RGS14: variants seen among roughly 807,000 people sequenced by gnomAD.
RGS14 encodes regulator of G protein signaling 14, also known as regulator of G-protein signaling 14.
Under a neutral mutation model 63.8 loss-of-function variants are expected in RGS14, and 33 were observed. The ratio of observed to expected loss-of-function variants is 0.52; its 90% confidence interval spans 0.39 to 0.69. RGS14 has a LOEUF of 0.69. Among genes scored for constraint, RGS14 ranks in the 30% least tolerant of loss-of-function variants. The pLI is 0.00. For missense variants in RGS14, 739 were observed against 742.9 expected (o/e 0.99, Z 0.06); for synonymous variants, 296 against 320.9 (o/e 0.92, Z 0.83).
Position 177,372,015 on chromosome 5 carries a change from C to A in RGS14, c.1641C>A (p.Thr547=), listed in dbSNP as rs373638216. 63 of 1,614,028 alleles carry A rather than the reference C, an allele frequency of 3.9e-5. No individual in the cohort carries two copies. In the African/African-American group the frequency reaches 8.3e-4, roughly 21 times the overall value. ...GCTCCGAGGAGACCCCACCACAGAC[C>A]AAATCAGCAGCCCAGCCCATCGGGG... is the stretch of plus-strand genomic sequence containing the variant. ...GPSSEETPPQ[T]KSAAQPIGGS... is the part of the protein sequence containing the mutation. Residue 547 remains threonine, a synonymous_variant, in exon 15 of 15, where the codon ACC becomes ACA. Transcript: ENST00000408923.
chr5:177,360,506 G>A (rs1238507324), intron 1 of RGS14, among the ~76,000 whole-genome samples: 5 of 145,896 alleles, frequency 3.4e-5, no homozygotes, highest in Admixed American at 1.4e-4. Context: ...AAAGGCTGCA[G>A]TGAGCTGTGA....
Position 177,371,157 on chromosome 5 carries a change from C to T in RGS14, c.1255-8C>T. 1 of 1,610,014 alleles carries T rather than the reference C, an allele frequency of 6.2e-7. No homozygotes were observed. Among genetic ancestry groups the T allele is most frequent in the Non-Finnish European group, 8.5e-7 (1 of 1,178,770 alleles). On this transcript the variant is annotated splice_region_variant and splice_polypyrimidine_tract_variant and intron_variant, in intron 11 of 14. Coordinates refer to ENST00000408923, the MANE Select transcript of RGS14 (RefSeq NM_006480.5). This position sits in a 1 kb window ranked among gnomAD's most constrained non-coding sequence, Gnocchi z 6.1. Reference sequence around the variant, plus strand: ...CCTGTACCGCGGGCTGCTGACCTCTCCCCACAGCCAGGCGAGAAACAGCCT... The same window carrying T: ...CCTGTACCGCGGGCTGCTGACCTCTTCCCACAGCCAGGCGAGAAACAGCCT...
In RGS14 at chr5:177,367,791, TG is replaced by T; in HGVS notation, c.710del (p.Gly237AlafsTer39). 6.2e-7 allele frequency: 1 copy of T among 1,609,748 alleles called. No homozygotes were observed. The highest frequency in any genetic ancestry group is 8.5e-7 in the Non-Finnish European group (1 of 1,178,244). On this transcript the variant is annotated frameshift_variant, in exon 7 of 15. Coordinates refer to ENST00000408923, the MANE Select transcript of RGS14 (RefSeq NM_006480.5). LOFTEE classifies it high-confidence loss of function. ...GGCAGCTGCCACCCGTTGAGGGTCC[TG>T]GGGGCCGCCCTCTCCGCAAGTCCTT... Reference protein sequence around the residue: ...LGQLPPVEGPGGRPLRKSFRR... With the variant: ...LGQLPPVEGPXGRPLRKSFRR...
Position 177,368,201 on chromosome 5 carries a change from G to A in RGS14, c.784G>A (p.Gly262Ser), listed in dbSNP as rs1307573470. The change falls in exon 8 of 15, where the codon GGC becomes AGC. Residue 262 changes from glycine to serine, a missense_variant. Transcript: ENST00000408923. ...ANAALRRESQ[G>S]SLNSSASLDL... ...CGCCGCCTTGCGCCGAGAGTCTCAG[G>A]GCTCCCTCAACTCCTCCGCCAGCCT... The A allele has an allele frequency of 5.0e-6, 8 of 1,613,968 alleles. No homozygotes were observed. Among genetic ancestry groups the A allele is most frequent in the Non-Finnish European group, 5.9e-6 (7 of 1,179,936 alleles).
intron 9 of RGS14, 93 bp downstream of exon 9, chr5:177,369,013 A>T: frequency 7.5e-7 from 1 of 1,325,142 alleles, no homozygotes; most frequent in South Asian, 1.3e-5. Flanking sequence ...TCCAACCCCA[A>T]TTCAAGTTCT....
chr5:177,365,556 T>C (rs11135015), intron 1 of RGS14, among the ~76,000 whole-genome samples: 54,115 of 152,006 alleles, frequency 0.36, 9,857 homozygotes, highest in Middle Eastern at 0.46. Flanking sequence ...TGGAAGCAAA[T>C]GGTTTGCCTC....
In RGS14 at chr5:177,370,553, G is replaced by A. The variant is rs553499891; in HGVS notation, c.1054-38G>A. 56 of 1,593,356 alleles carry A rather than the reference G, an allele frequency of 3.5e-5. No homozygotes were observed. In the East Asian group the frequency reaches 5.4e-4, roughly 15 times the overall value. ...ACCCACAGGGATGGCTGGGGGTTGG[G>A]GGAGGGACTCTTAGACCCTGCCTGG... On this transcript the variant is annotated intron_variant, in intron 9 of 14. Coordinates refer to ENST00000408923, the MANE Select transcript of RGS14 (RefSeq NM_006480.5).
chr5:177,366,658 G>C, intron 3 of RGS14, 50 bp from the exon 4 acceptor site: 1 of 1,554,676 alleles, frequency 6.4e-7, no homozygotes, highest in Non-Finnish European at 8.9e-7. Context: ...CCCCAGTTTG[G>C]TCTCTGTGTC....
chr5:177,372,153 T>A lies in RGS14; in HGVS notation c.*78T>A, dbSNP rs145215449. 1.5e-3 allele frequency: 2,086 copies of A among 1,391,572 alleles called. 27 individuals carry two copies. In the Admixed American group the frequency reaches 0.025, roughly 17 times the overall value. The allele number at this position is 1,391,572 out of a possible 1,614,324, so 86.2% of individuals were successfully genotyped here. On this transcript the variant is annotated 3_prime_UTR_variant, in exon 15 of 15. Coordinates refer to ENST00000408923, the MANE Select transcript of RGS14 (RefSeq NM_006480.5). ...CCATGGGTCCGCTCTGCATGCCCTG[T>A]CTGTGCCATGAGTGTCCCTGGCCCC...
At chr5:177,363,310 A>G (rs1229974619) in intron 1 of RGS14, among the ~76,000 whole-genome samples, 3 of 126,744 alleles carry the variant, frequency 2.4e-5, no homozygotes, top group African/African-American at 5.9e-5. Context: ...CAGGGCCAGG[A>G]GGGGCGGGGC....
chr5:177,371,046 C>CGCGGCGGG lies in RGS14; in HGVS notation c.1254+19_1254+20insCGGGGCGG, dbSNP rs778757673. 3.7e-6 allele frequency: 5 copies of CGCGGCGGG among 1,357,064 alleles called. No homozygotes were observed. The African/African-American group carries it at 1.2e-4, about 33-fold the overall frequency. 84.1% of individuals were successfully genotyped at this position (1,357,064 alleles called of 1,614,324 possible). A position where few individuals can be genotyped will look rare whatever the true frequency, so the allele number is the denominator to read the frequency against. On this transcript the variant is annotated intron_variant, in intron 11 of 14. Transcript: ENST00000408923. The surrounding 1 kb of genome is among the most constrained non-coding windows in gnomAD (Gnocchi z 6.1). The stretch of plus-strand genomic sequence containing the variant: ...TGCTGCACCGGGTGAGCTTCCGGGC[C>CGCGGCGGG]GCGGGGCGGGGCGGGGCGGGGCCGG...
Position 177,371,511 on chromosome 5 carries a change from C to A in RGS14, c.1420C>A (p.Pro474Thr), listed in dbSNP as rs751582052. Reference sequence around the variant, plus strand: ...TAGAACTCAGGATAAGGCCACCCATCCCCCTCCAGCGTCCCCCAGTTCTCT... The same window carrying A: ...TAGAACTCAGGATAAGGCCACCCATACCCCTCCAGCGTCCCCCAGTTCTCT... ...PPRTQDKATHPPPASPSSLVK... is the reference protein window; with the variant it reads ...PPRTQDKATHTPPASPSSLVK... Residue 474 changes from proline to threonine, a missense_variant, in exon 14 of 15, where the codon CCC becomes ACC. Physicochemically the swap from Pro to Thr is conservative, Grantham distance 38. Coordinates refer to ENST00000408923, the MANE Select transcript of RGS14 (RefSeq NM_006480.5). The surrounding 1 kb of genome is among the most constrained non-coding windows in gnomAD (Gnocchi z 6.1). The A allele has an allele frequency of 1.9e-6, 3 of 1,614,152 alleles. No individual in the cohort carries two copies. Among genetic ancestry groups the A allele is most frequent in the Admixed American group, 3.3e-5 (2 of 60,014 alleles).
At chr5:177,365,550 A>G (rs1048494544) in intron 1 of RGS14, among the ~76,000 whole-genome samples, 1 of 152,208 alleles carries the variant, frequency 6.6e-6, no homozygotes, top group Non-Finnish European at 1.5e-5. Context: ...TCAAGATGGA[A>G]GCAAATGGTT....
chr5:177,366,477 C>T, intron 3 of RGS14, 122 bp downstream of exon 3: 4 of 915,218 alleles, frequency 4.4e-6, no homozygotes, highest in Non-Finnish European at 6.6e-6. Context: ...CTGCAGCACC[C>T]TCTTCCTCTT....
rs1762049131 is a variant in RGS14, at chr5:177,364,572, A to G, written c.46-1391A>G. On this transcript the variant is annotated intron_variant, in intron 1 of 14. Transcript: ENST00000408923. This position sits in a 1 kb window ranked among gnomAD's most constrained non-coding sequence, Gnocchi z 4.6. Reference sequence around the variant, plus strand: ...CCAAGTCAGGGGTGATAGGCGCTGGAGCCGTTACCAGGAAGTTGGTTATGT... The same window carrying G: ...CCAAGTCAGGGGTGATAGGCGCTGGGGCCGTTACCAGGAAGTTGGTTATGT... 6.6e-6 allele frequency among the ~76,000 whole-genome samples: 1 copy of G among 152,072 alleles called. No individual in the cohort carries two copies. The highest frequency in any genetic ancestry group is 6.5e-5 in the Admixed American group (1 of 15,274).
At chr5:177,362,179 G>A (rs1010510088) in intron 1 of RGS14, among the ~76,000 whole-genome samples, 1 of 152,210 alleles carries the variant, frequency 6.6e-6, no homozygotes, top group Non-Finnish European at 1.5e-5. Context: ...TAGCAGAGCT[G>A]GAATTGGATT....
chr5:177,368,709 T>G lies in RGS14; in HGVS notation c.850-8T>G. 1 of 1,613,900 alleles carries G rather than the reference T, an allele frequency of 6.2e-7. No individual in the cohort carries two copies. The highest frequency in any genetic ancestry group is 1.1e-5 in the South Asian group (1 of 91,070). ...CACATAATCTCCCCCACTCCTGCCATGAATCAGAGCCACCGGAAGAGCCTT... is the reference window on the plus strand; with the variant it reads ...CACATAATCTCCCCCACTCCTGCCAGGAATCAGAGCCACCGGAAGAGCCTT... On this transcript the variant is annotated splice_region_variant and splice_polypyrimidine_tract_variant and intron_variant, in intron 8 of 14. Coordinates refer to ENST00000408923, the MANE Select transcript of RGS14 (RefSeq NM_006480.5).
Position 177,357,937 on chromosome 5 carries a change from G to T in RGS14, c.-88G>T. On this transcript the variant is annotated 5_prime_UTR_variant, in exon 1 of 15. Coordinates refer to ENST00000408923, the MANE Select transcript of RGS14 (RefSeq NM_006480.5). Reference sequence around the variant, plus strand: ...CCGAGTCAGGCTCTCTCCACTGCCTGCCCGCCACCGTGCAAGCTCTGGCCG... The same window carrying T: ...CCGAGTCAGGCTCTCTCCACTGCCTTCCCGCCACCGTGCAAGCTCTGGCCG... The T allele has an allele frequency of 8.4e-7, 1 of 1,193,722 alleles. No individual in the cohort carries two copies. The highest frequency in any genetic ancestry group is 1.1e-6 in the Non-Finnish European group (1 of 933,318). The allele number at this position is 1,193,722 out of a possible 1,614,324, so 73.9% of individuals were successfully genotyped here.
chr5:177,369,755 G>A (rs1561617752), intron 9 of RGS14, among the ~76,000 whole-genome samples: 3 of 152,246 alleles, frequency 2.0e-5, no homozygotes, highest in Non-Finnish European at 4.4e-5. Context: ...GGCCTGGAGT[G>A]CAGGGGTGCG....
Sources: gnomAD v4.1 joint callset for allele counts (sites outside exome capture counted in the v4.1 genomes callset) on GRCh38, gnomAD v4.1.1 for gene constraint, Gnocchi (gnomAD v3.1) non-coding constraint, MANE v1.5 for transcripts, NCBI Gene and HGNC (gene_info 2026-07-23, HGNC 2026-07-21) for gene names.